WWTR1: variants seen among roughly 807,000 people sequenced by gnomAD.
WWTR1 encodes WW domain-containing transcription regulator protein 1.
A neutral mutation model predicts 40.1 loss-of-function variants in WWTR1; 13 were observed. The observed-to-expected ratio is 0.32, with a 90% CI of 0.21 to 0.52. WWTR1 has a LOEUF of 0.52. Among genes scored for constraint, WWTR1 ranks in the 20% least tolerant of loss-of-function variants. The probability of loss-of-function intolerance (pLI) is 0.97; values close to 1 mark genes in which losing one functional copy is unlikely to be tolerated. For synonymous variants in WWTR1, 230 were observed against 210.1 expected, an observed-to-expected ratio of 1.09 and a Z score of -0.82; for missense variants, 436 against 523.1, an observed-to-expected ratio of 0.83 and a Z score of 1.63.
In WWTR1 at chr3:149,519,581, G is replaced by C. The variant is rs192115805; in HGVS notation, c.*1224C>G. ...TATTTCAAAAGACAAAAATACAGTT[G>C]CCACTGATTTATCAAAAACATTTGG... On this transcript the variant is annotated 3_prime_UTR_variant, in exon 7 of 7. Transcript: ENST00000360632. 4 of 152,298 alleles carry C rather than the reference G, an allele frequency of 2.6e-5. No individual in the cohort carries two copies. The highest frequency in any genetic ancestry group is 6.5e-5 in the Admixed American group (1 of 15,296). 9.4% of individuals were successfully genotyped at this position (152,298 alleles called of 1,614,324 possible).
intron 2 of WWTR1, among the ~76,000 whole-genome samples, chr3:149,637,682 G>A (rs575035986): frequency 6.6e-6 from 1 of 152,210 alleles, no homozygotes; most frequent in South Asian, 2.1e-4. Context: ...AACCTTACAC[G>A]ACACTCTGAT....
upstream of WWTR1, among the ~76,000 whole-genome samples, chr3:149,705,986 G>A (rs1715318510): frequency 6.6e-6 from 1 of 152,116 alleles, no homozygotes; most frequent in South Asian, 2.1e-4. Context: ...GAGTCCAGGA[G>A]TTTGAGACCA....
intron 1 of WWTR1, among the ~76,000 whole-genome samples, chr3:149,685,305 G>C (rs1195379863): frequency 6.6e-6 from 1 of 152,168 alleles, no homozygotes; most frequent in East Asian, 1.9e-4. Context: ...GCTGGGGCTG[G>C]GATAACTATA....
chr3:149,646,535 T>C (rs1408127180), intron 2 of WWTR1, among the ~76,000 whole-genome samples: 3 of 152,254 alleles, frequency 2.0e-5, no homozygotes, highest in Non-Finnish European at 1.5e-5. Flanking sequence ...CCATGGACCA[T>C]ACTTTGAGTA....
At position 149,642,114 on chromosome 3, in the gene WWTR1, A is replaced by G. The variant is rs142120238; in HGVS notation, c.431+14762T>C. On this transcript the variant is annotated intron_variant, in intron 2 of 6. Transcript: ENST00000360632. ...TTCTACAATATAGCCTTATGGTTGG[A>G]TTTTATGTTAAAATGTACGAATGTG... Among the ~76,000 whole-genome samples, 392 of 152,196 alleles carry G rather than the reference A, an allele frequency of 2.6e-3. 2 individuals are homozygous for G. Among genetic ancestry groups the G allele is most frequent in the African/African-American group, 9.0e-3 (375 of 41,506 alleles).
At chr3:149,655,974 G>A (rs377098182) in intron 2 of WWTR1, among the ~76,000 whole-genome samples, 12 of 152,170 alleles carry the variant, frequency 7.9e-5, no homozygotes, top group African/African-American at 2.7e-4. Context: ...CAAGTGGTTA[G>A]GCTGGCACAA....
At chr3:149,722,591 C>A (rs1715778744) in intron 4 of WWTR1, among the ~76,000 whole-genome samples, 1 of 151,956 alleles carries the variant, frequency 6.6e-6, no homozygotes, top group Non-Finnish European at 1.5e-5. Context: ...AGTTTTTGAT[C>A]ATCATTTCTT....
At chr3:149,600,189 C>G (rs1739181788) in intron 2 of WWTR1, among the ~76,000 whole-genome samples, 1 of 151,818 alleles carries the variant, frequency 6.6e-6, no homozygotes, top group Admixed American at 6.6e-5. Flanking sequence ...TTTCCGGACA[C>G]CAAGGGACAA....
intron 2 of WWTR1, among the ~76,000 whole-genome samples, chr3:149,625,173 G>A (rs1261502769): frequency 7.0e-6 from 1 of 143,166 alleles, no homozygotes; most frequent in Non-Finnish European, 1.5e-5. Context: ...CCAGGCTGGA[G>A]TGCAGTGGTG....
upstream of WWTR1, among the ~76,000 whole-genome samples, chr3:149,662,583 C>T (rs571348956): frequency 2.0e-5 from 3 of 152,274 alleles, no homozygotes; most frequent in South Asian, 4.1e-4. Context: ...CCCACTCTCA[C>T]GACAGGACCT....
At chr3:149,674,225 C>T (rs28637487) in intron 1 of WWTR1, among the ~76,000 whole-genome samples, 2 of 134,296 alleles carry the variant, frequency 1.5e-5, no homozygotes, top group Non-Finnish European at 3.3e-5. Context: ...GTCTCTCTCT[C>T]TCTGTCTCTG....
chr3:149,577,460 TC>T (rs935343793), intron 2 of WWTR1, among the ~76,000 whole-genome samples: 9 of 152,064 alleles, frequency 5.9e-5, no homozygotes, highest in Non-Finnish European at 1.2e-4. Flanking sequence ...TTTTTCCCCT[TC>T]CTTCAAGAGC....
chr3:149,645,268 AT>A (rs1463133422), intron 2 of WWTR1, among the ~76,000 whole-genome samples: 1 of 150,804 alleles, frequency 6.6e-6, no homozygotes, highest in Non-Finnish European at 1.5e-5. Context: ...TTTAGTAGAG[AT>A]GGGGTTTCAC....
At position 149,656,895 on chromosome 3, in the gene WWTR1, C is replaced by G. The variant is rs1678629174; in HGVS notation, c.412G>C (p.Gly138Arg). The G allele has an allele frequency of 6.5e-7, 1 of 1,534,918 alleles. No individual in the cohort carries two copies. The highest frequency in any genetic ancestry group is 8.7e-7 in the Non-Finnish European group (1 of 1,147,956). The change falls in exon 2 of 7, where the codon GGC becomes CGC. Residue 138 changes from glycine (G) to arginine (R), a missense_variant. Gly to Arg is a moderately radical substitution (Grantham distance 125). Transcript: ENST00000360632. ...ACTTACTTGAGGAAGTACCTCTGGC[C>G]AGTGGCCGTGAAGGTCATCTCCCAG... ...PGWEMTFTAT[G>R]QRYFLNHIEK...
chr3:149,630,412 C>A (rs1363049067), intron 2 of WWTR1, among the ~76,000 whole-genome samples: 1 of 152,142 alleles, frequency 6.6e-6, no homozygotes, highest in Non-Finnish European at 1.5e-5. Context: ...TCTCTCGGAC[C>A]AGTAGCCAAA....
chr3:149,630,008 G>C (rs1711507918), intron 2 of WWTR1, among the ~76,000 whole-genome samples: 1 of 151,986 alleles, frequency 6.6e-6, no homozygotes, highest in Non-Finnish European at 1.5e-5. Flanking sequence ...CCTGTGCCTA[G>C]CTAACTTTTT....
intron 2 of WWTR1, among the ~76,000 whole-genome samples, chr3:149,611,141 C>T (rs1430266603): frequency 6.6e-6 from 1 of 152,032 alleles, no homozygotes; most frequent in East Asian, 1.9e-4. Context: ...GACAGCAAGA[C>T]CTCATCTTTA....
chr3:149,633,986 G>T (rs1295367447), intron 2 of WWTR1, among the ~76,000 whole-genome samples: 1 of 152,186 alleles, frequency 6.6e-6, no homozygotes, highest in Admixed American at 6.5e-5. Context: ...TAGCCTGGCT[G>T]TGGTGTGCAA....
chr3:149,690,185 T>A (rs1427507642), intron 1 of WWTR1, among the ~76,000 whole-genome samples: 1 of 151,926 alleles, frequency 6.6e-6, no homozygotes, highest in East Asian at 1.9e-4. Flanking sequence ...AAAATCATTT[T>A]CACAAAAAGG....
Sources: allele counts gnomAD v4.1 joint callset (sites outside exome capture counted in the v4.1 genomes callset), GRCh38; gene constraint gnomAD v4.1.1; transcripts MANE v1.5; gene names NCBI Gene and HGNC (gene_info 2026-07-23, HGNC 2026-07-21).